The following FGGY variants were observed in gnomAD, a reference collection of about 807,000 sequenced individuals.
FGGY encodes the protein FGGY carbohydrate kinase domain-containing protein.
Under a neutral mutation model 71.3 loss-of-function variants are expected in FGGY, and 72 were observed. That is an observed-to-expected ratio of 1.01 (90% CI 0.84 to 1.23). The LOEUF (loss-of-function observed/expected upper bound fraction) is 1.23. FGGY is among the 50% of genes most tolerant of loss of function. FGGY has a pLI of 0.00. For missense variants in FGGY, 668 were observed against 682.3 expected (o/e 0.98, Z 0.23); for synonymous variants, 251 against 250.3 (o/e 1.00, Z -0.02).
chr1:59,606,497 CT>C (rs2096624887), intron 8 of FGGY, among the ~76,000 whole-genome samples: 1 of 152,052 alleles, frequency 6.6e-6, no homozygotes, highest in African/African-American at 2.4e-5. Flanking sequence ...GTATTTTGAC[CT>C]TTTTAGTCAT....
At chr1:59,532,185 A>G (rs1283837163) in intron 7 of FGGY, among the ~76,000 whole-genome samples, 1 of 152,238 alleles carries the variant, frequency 6.6e-6, no homozygotes, top group East Asian at 1.9e-4. Flanking sequence ...GGGATTCTAG[A>G]ATTGAAACTA....
intron 14 of FGGY, among the ~76,000 whole-genome samples, chr1:59,736,826 A>T (rs534923928): frequency 6.6e-6 from 1 of 152,238 alleles, no homozygotes; most frequent in Non-Finnish European, 1.5e-5. Context: ...TGTATAAGTA[A>T]CAAGGAGCCG....
intron 11 of FGGY, among the ~76,000 whole-genome samples, chr1:59,653,082 G>C (rs1469397920): frequency 2.0e-5 from 3 of 152,208 alleles, no homozygotes; most frequent in African/African-American, 7.2e-5. Context: ...AGGGTTCAGC[G>C]ACCCACTTGA....
chr1:59,362,370 T>C (rs1231588063), intron 4 of FGGY, among the ~76,000 whole-genome samples: 2 of 152,164 alleles, frequency 1.3e-5, no homozygotes, highest in South Asian at 2.1e-4. Context: ...TCCCACTAGG[T>C]TATTGCTGTC....
rs751551430 is a variant in FGGY at position 59,674,107 on chromosome 1, G to T, written c.1486G>T (p.Ala496Ser). Reference sequence around the variant, plus strand: ...GGGTGCTGCTGTTCTGGGTGCCTGTGCCTCAGGGGATTTCGCTTCTGTACA... The same window carrying T: ...GGGTGCTGCTGTTCTGGGTGCCTGTTCCTCAGGGGATTTCGCTTCTGTACA... ...LVGAAVLGAC[A>S]SGDFASVQEA... Residue 496 changes from alanine to serine, a missense_variant, in exon 14 of 16, where the codon GCC (alanine) becomes TCC (serine). Around this residue, in one of 2 missense-constraint regions of FGGY, gnomAD observed 661 missense variants for 661.6 expected, o/e 1.00. Transcript: ENST00000303721. 6.2e-7 allele frequency: 1 copy of T among 1,613,970 alleles called. No individual in the cohort carries two copies. Among genetic ancestry groups the T allele is most frequent in the Non-Finnish European group, 8.5e-7 (1 of 1,179,924 alleles).
At chr1:59,310,043 A>G (rs988092848) in intron 1 of FGGY, 2 of 151,790 alleles carry the variant, frequency 1.3e-5, no homozygotes, top group Non-Finnish European at 2.9e-5. Context: ...AAAGACTTCA[A>G]CCCATCTGTG....
At chr1:59,297,628 C>G (rs1008857544) in intron 1 of FGGY, among the ~76,000 whole-genome samples, 3 of 152,062 alleles carry the variant, frequency 2.0e-5, no homozygotes, top group African/African-American at 7.2e-5. Flanking sequence ...CGAGACCATC[C>G]AGGCTAACAC....
intron 5 of FGGY, among the ~76,000 whole-genome samples, chr1:59,431,674 G>A (rs751833225): frequency 6.6e-6 from 1 of 152,192 alleles, no homozygotes; most frequent in Non-Finnish European, 1.5e-5. Context: ...CTTCAAGGCA[G>A]CAAGATGGAG....
intron 8 of FGGY, among the ~76,000 whole-genome samples, chr1:59,589,188 A>G (rs1284214927): frequency 2.0e-5 from 3 of 152,002 alleles, no homozygotes; most frequent in Admixed American, 2.0e-4. Context: ...CAAAAGAGAC[A>G]AAGAAGGCCA....
chr1:59,682,454 G>A (rs892856461), intron 14 of FGGY, among the ~76,000 whole-genome samples: 5 of 152,196 alleles, frequency 3.3e-5, no homozygotes, highest in Admixed American at 6.5e-5. Context: ...TTACAAAATT[G>A]CAGTCATAGA....
At position 59,673,188 on chromosome 1, in the gene FGGY, A is replaced by T. The variant is rs142791674; in HGVS notation, c.1418-851A>T. ...AAACAAGATAAGTAAGTAAAATACA[A>T]TGTTGGAAGGTGGGATGAAGCAGTT... On this transcript the variant is annotated intron_variant, in intron 13 of 15. Coordinates refer to ENST00000303721, the MANE Select transcript of FGGY (RefSeq NM_018291.5). Among the ~76,000 whole-genome samples, 9 of 152,346 alleles carry T rather than the reference A, an allele frequency of 5.9e-5. No individual in the cohort carries two copies. The East Asian group carries it at 1.3e-3, about 23-fold the overall frequency.
chr1:59,581,382 A>C (rs1257637169), intron 8 of FGGY, among the ~76,000 whole-genome samples: 1 of 150,134 alleles, frequency 6.7e-6, no homozygotes, highest in Admixed American at 6.6e-5. Flanking sequence ...AGTGACATAC[A>C]CTGAATTTTA....
intron 14 of FGGY, among the ~76,000 whole-genome samples, chr1:59,682,541 A>G (rs2097511188): frequency 1.3e-5 from 2 of 152,218 alleles, no homozygotes; most frequent in Admixed American, 1.3e-4. Flanking sequence ...GGAAAAGTGC[A>G]GTTACTGGAT....
intron 9 of FGGY, among the ~76,000 whole-genome samples, chr1:59,614,044 T>A (rs1308748837): frequency 6.6e-6 from 1 of 152,136 alleles, no homozygotes; most frequent in African/African-American, 2.4e-5. Context: ...ACCAGACGGA[T>A]TCACAGCCGA....
intron 4 of FGGY, among the ~76,000 whole-genome samples, chr1:59,349,907 C>G (rs2052894544): frequency 6.6e-6 from 1 of 152,118 alleles, no homozygotes. Flanking sequence ...TTTTGTATTT[C>G]TAACTCAAGT....
intron 8 of FGGY, among the ~76,000 whole-genome samples, chr1:59,591,992 C>G (rs1435819663): frequency 1.3e-5 from 2 of 152,096 alleles, no homozygotes; most frequent in African/African-American, 4.8e-5. Context: ...TACCATCAGA[C>G]TGAACAGGCA....
At chr1:59,370,408 G>A (rs923078305) in intron 4 of FGGY, among the ~76,000 whole-genome samples, 4,236 of 152,154 alleles carry the variant, frequency 0.028, 216 homozygotes, top group African/African-American at 0.097. Flanking sequence ...GGACTATGTG[G>A]AAAGACCAAA....
chr1:59,534,109 G>A (rs577307165), intron 7 of FGGY, among the ~76,000 whole-genome samples: 2 of 152,278 alleles, frequency 1.3e-5, no homozygotes, highest in Non-Finnish European at 2.9e-5. Context: ...TGTATAATTA[G>A]AATAACCAAT....
chr1:59,463,192 G>A (rs1156596041), intron 6 of FGGY, among the ~76,000 whole-genome samples: 1 of 152,196 alleles, frequency 6.6e-6, no homozygotes, highest in Non-Finnish European at 1.5e-5. Flanking sequence ...TAGGGACATG[G>A]ATGAAATTGG....
Sources: allele counts gnomAD v4.1 joint callset (sites outside exome capture counted in the v4.1 genomes callset), GRCh38; gene constraint gnomAD v4.1.1; regional missense constraint gnomAD v4.1.1; transcripts MANE v1.5; gene names NCBI Gene and HGNC (gene_info 2026-07-23, HGNC 2026-07-21).